The following SORCS1 variants were observed in gnomAD, a reference collection of about 807,000 sequenced individuals.
The protein encoded by SORCS1 is sortilin related VPS10 domain containing receptor 1, also known as VPS10 domain-containing receptor SorCS1.
A neutral mutation model predicts 146.1 loss-of-function variants in SORCS1; 60 were observed. That is an observed-to-expected ratio of 0.41 (90% CI 0.33 to 0.51). The LOEUF is 0.51. Among genes scored for constraint, SORCS1 ranks in the 20% least tolerant of loss-of-function variants. The pLI is 0.21. For missense variants in SORCS1, 1,352 were observed against 1,487.6 expected (o/e 0.91, Z 1.50); for synonymous variants, 637 against 584.0 (o/e 1.09, Z -1.31).
At chr10:106,635,331 C>T (rs1464240119) in intron 18 of SORCS1, among the ~76,000 whole-genome samples, 1 of 152,170 alleles carries the variant, frequency 6.6e-6, no homozygotes, top group Non-Finnish European at 1.5e-5. Context: ...CTCACTCAAG[C>T]TTCATCAACA....
At chr10:106,666,454 C>G (rs1388596428) in intron 17 of SORCS1, among the ~76,000 whole-genome samples, 1 of 152,166 alleles carries the variant, frequency 6.6e-6, no homozygotes, top group Admixed American at 6.5e-5. Context: ...ACTATACTGT[C>G]AGCTCTCCTG....
chr10:107,124,156 T>C (rs1018857685), intron 1 of SORCS1, among the ~76,000 whole-genome samples: 3 of 151,852 alleles, frequency 2.0e-5, no homozygotes, highest in Non-Finnish European at 4.4e-5. Flanking sequence ...AATTAAATAA[T>C]ATATGAAAAC....
At chr10:107,061,740 A>C (rs1033625563) in intron 1 of SORCS1, among the ~76,000 whole-genome samples, 4 of 152,104 alleles carry the variant, frequency 2.6e-5, no homozygotes, top group African/African-American at 2.4e-5. Flanking sequence ...GCTTCATTTT[A>C]TCTCTCTCAT....
intron 1 of SORCS1, among the ~76,000 whole-genome samples, chr10:107,119,346 C>A (rs1472692603): frequency 6.6e-6 from 1 of 152,096 alleles, no homozygotes; most frequent in Non-Finnish European, 1.5e-5. Context: ...ATGCACTCAG[C>A]TGAGGTATTG....
At chr10:106,810,665 C>T (rs186465584) in intron 3 of SORCS1, among the ~76,000 whole-genome samples, 15 of 152,288 alleles carry the variant, frequency 9.8e-5, no homozygotes, top group African/African-American at 3.6e-4. Context: ...GCATTCTATG[C>T]CATGAAGTAA....
At chr10:107,070,707 G>A (rs56356771) in intron 1 of SORCS1, among the ~76,000 whole-genome samples, 1,575 of 152,176 alleles carry the variant, frequency 0.01, 15 homozygotes, top group South Asian at 0.028. Flanking sequence ...TGATTGAACT[G>A]TAGCAAAATT....
intron 2 of SORCS1, among the ~76,000 whole-genome samples, chr10:106,937,401 C>T (rs905524197): frequency 2.0e-5 from 3 of 150,854 alleles, no homozygotes; most frequent in African/African-American, 7.3e-5. Flanking sequence ...TGGTTTTGAA[C>T]TCCTGACCTC....
At chr10:106,920,147 C>A (rs1329972523) in intron 2 of SORCS1, among the ~76,000 whole-genome samples, 1 of 152,126 alleles carries the variant, frequency 6.6e-6, no homozygotes, top group East Asian at 1.9e-4. Context: ...AGAACAATGA[C>A]CCCAATGAAG....
chr10:106,974,352 C>T (rs142435815), intron 1 of SORCS1, among the ~76,000 whole-genome samples: 82 of 152,248 alleles, frequency 5.4e-4, no homozygotes, highest in African/African-American at 1.9e-3. Flanking sequence ...TTCACTGTAT[C>T]CAGGCCTATT....
At chr10:106,605,876 T>C (rs193054692) in intron 23 of SORCS1, among the ~76,000 whole-genome samples, 1 of 152,252 alleles carries the variant, frequency 6.6e-6, no homozygotes, top group African/African-American at 2.4e-5. Flanking sequence ...AGGTGGGCCA[T>C]GCCATAATTT....
chr10:106,863,055 T>C (rs1400728326), intron 2 of SORCS1, among the ~76,000 whole-genome samples: 1 of 152,058 alleles, frequency 6.6e-6, no homozygotes, highest in Non-Finnish European at 1.5e-5. Flanking sequence ...AATATTTCTT[T>C]AGAAGTTGAT....
In SORCS1 at chr10:107,065,647, AGTTTT is replaced by A. The variant is rs371701636; in HGVS notation, c.558+98317_558+98321del. On this transcript the variant is annotated intron_variant, in intron 1 of 25. Coordinates refer to ENST00000263054, the MANE Select transcript of SORCS1 (RefSeq NM_052918.5). ...ATCCTCCCACCTCAGCTCCCCAAAT[AGTTTT>A]GTTTGTTTGTTTGTTTGTTTGCTTT... Among the ~76,000 whole-genome samples, 240 of 141,786 alleles carry A rather than the reference AGTTTT, an allele frequency of 1.7e-3. 1 individual carries two copies. Among genetic ancestry groups the A allele is most frequent in the African/African-American group, 5.9e-3 (234 of 39,756 alleles). 93.0% of individuals were successfully genotyped at this position (141,786 alleles called of 152,430 possible).
chr10:106,808,425 T>C (rs1014052341), intron 3 of SORCS1, among the ~76,000 whole-genome samples: 2 of 152,220 alleles, frequency 1.3e-5, no homozygotes, highest in South Asian at 4.1e-4. Context: ...ATATGTGTTA[T>C]TATCAATATT....
chr10:106,906,517 A>G (rs571136694), intron 2 of SORCS1, among the ~76,000 whole-genome samples: 1 of 152,328 alleles, frequency 6.6e-6, no homozygotes, highest in East Asian at 1.9e-4. Context: ...CAGCAGCAAG[A>G]GAAAATAAGG....
At chr10:106,988,464 G>A (rs975603887) in intron 1 of SORCS1, among the ~76,000 whole-genome samples, 3 of 152,106 alleles carry the variant, frequency 2.0e-5, no homozygotes, top group Non-Finnish European at 4.4e-5. Context: ...ACGTCTTAGC[G>A]TCTGAAAAAA....
intron 2 of SORCS1, among the ~76,000 whole-genome samples, chr10:106,912,316 G>A (rs1011900199): frequency 9.5e-6 from 1 of 105,714 alleles, no homozygotes; most frequent in Non-Finnish European, 1.9e-5. Context: ...AAAACAAAAC[G>A]AAGCAAAACA....
intron 1 of SORCS1, among the ~76,000 whole-genome samples, chr10:107,069,251 A>G (rs1293022749): frequency 6.6e-6 from 1 of 152,228 alleles, no homozygotes; most frequent in African/African-American, 2.4e-5. Flanking sequence ...AAACTGTGAC[A>G]TCTACGTTTA....
intron 2 of SORCS1, among the ~76,000 whole-genome samples, chr10:106,889,244 T>C (rs1589638581): frequency 6.6e-6 from 1 of 152,106 alleles, no homozygotes; most frequent in Non-Finnish European, 1.5e-5. Context: ...AGTGCCGTAA[T>C]GGACATACAA....
intron 1 of SORCS1, among the ~76,000 whole-genome samples, chr10:107,046,992 A>AT (rs1293243601): frequency 1.3e-5 from 2 of 151,912 alleles, no homozygotes; most frequent in Non-Finnish European, 2.9e-5. Context: ...ATTTTATTTT[A>AT]TTTATTTATT....
Sources: gnomAD v4.1 joint callset for allele counts (sites outside exome capture counted in the v4.1 genomes callset) on GRCh38, gnomAD v4.1.1 for gene constraint, MANE v1.5 for transcripts, NCBI Gene and HGNC (gene_info 2026-07-23, HGNC 2026-07-21) for gene names.